The following ENPP2 variants were observed in gnomAD, a reference collection of about 807,000 sequenced individuals.
The protein encoded by ENPP2 is ectonucleotide pyrophosphatase/phosphodiesterase 2.
ENPP2 carries 51 observed loss-of-function variants against 120.2 expected under a neutral mutation model. That is an observed-to-expected ratio of 0.42 (90% CI 0.34 to 0.54). The LOEUF (loss-of-function observed/expected upper bound fraction) is 0.54, where lower values mean the gene tolerates loss of function less well. Ranked by LOEUF, ENPP2 falls within the 20% of genes least tolerant of loss-of-function variation. The pLI is 0.04. For synonymous variants in ENPP2, 365 were observed against 366.4 expected, an observed-to-expected ratio of 1.00 and a Z score of 0.04; for missense variants, 920 against 1,066.5, an observed-to-expected ratio of 0.86 and a Z score of 1.91.
chr8:119,615,763 C>A (rs1401571714), intron 8 of ENPP2, among the ~76,000 whole-genome samples: 1 of 152,082 alleles, frequency 6.6e-6, no homozygotes. Flanking sequence ...TTGGGGAAGT[C>A]ACAGTCATAC....
chr8:119,577,755 C>G (rs1587369311), intron 19 of ENPP2, among the ~76,000 whole-genome samples: 1 of 152,282 alleles, frequency 6.6e-6, no homozygotes, highest in East Asian at 1.9e-4. Context: ...CTCAGTGGTA[C>G]AGTTGTGTCA....
chr8:119,645,704 A>G (rs902740875), intron 1 of ENPP2, among the ~76,000 whole-genome samples: 45 of 151,652 alleles, frequency 3.0e-4, no homozygotes, highest in Admixed American at 2.2e-3. Flanking sequence ...CATTCCAGCT[A>G]CTTGGGAGGC....
intron 19 of ENPP2, chr8:119,572,210 C>T (rs1815057990): frequency 1.3e-6 from 2 of 1,555,540 alleles, no homozygotes; most frequent in Non-Finnish European, 8.7e-7. Context: ...TAATGTTTTC[C>T]TTGTTTTCAT....
At chr8:119,621,556 C>A in intron 3 of ENPP2, 37 bp from the exon 4 acceptor site, 1 of 1,604,662 alleles carries the variant, frequency 6.2e-7, no homozygotes, top group East Asian at 2.2e-5. Context: ...CACTGCTGCA[C>A]ACTAACCAAA....
intron 3 of ENPP2, 151 bp from the exon 4 acceptor site, chr8:119,621,670 C>T (rs1815907465): frequency 4.2e-6 from 3 of 717,612 alleles, no homozygotes; most frequent in East Asian, 5.6e-5. Flanking sequence ...GCCCAGAGGA[C>T]ATTTGGAGAA....
chr8:119,563,101 A>T (rs1275109132), intron 23 of ENPP2, 88 bp from the exon 24 acceptor site: 2 of 1,112,860 alleles, frequency 1.8e-6, no homozygotes, highest in Non-Finnish European at 2.6e-6. Flanking sequence ...ATATTGCCTA[A>T]GTCACTAAAA....
chr8:119,594,108 C>A (rs559189011), intron 11 of ENPP2, among the ~76,000 whole-genome samples: 6 of 152,206 alleles, frequency 3.9e-5, no homozygotes, highest in South Asian at 2.1e-4. Context: ...ATAAAAATGT[C>A]AAAAATATTG....
At chr8:119,583,173 C>G (rs140827351) in intron 17 of ENPP2, among the ~76,000 whole-genome samples, 1 of 152,250 alleles carries the variant, frequency 6.6e-6, no homozygotes, top group Non-Finnish European at 1.5e-5. Flanking sequence ...AGAGGCAGGA[C>G]AGGGGACAGC....
intron 1 of ENPP2, among the ~76,000 whole-genome samples, chr8:119,653,066 C>T (rs972085541): frequency 1.4e-4 from 21 of 152,114 alleles, no homozygotes; most frequent in East Asian, 1.9e-4. Flanking sequence ...ATGATTCCTG[C>T]CCACATCCAG....
intron 22 of ENPP2, among the ~76,000 whole-genome samples, chr8:119,567,058 C>G (rs1814513743): frequency 6.6e-6 from 1 of 152,208 alleles, no homozygotes; most frequent in South Asian, 2.1e-4. Context: ...TCGCCCATTC[C>G]TATTTTGAGA....
At chr8:119,649,120 A>G (rs1309641430) in intron 1 of ENPP2, among the ~76,000 whole-genome samples, 1 of 152,104 alleles carries the variant, frequency 6.6e-6, no homozygotes, top group Non-Finnish European at 1.5e-5. Flanking sequence ...ATGGCCGGGC[A>G]CGGTGGCTCA....
At chr8:119,657,998 G>A (rs1391364821) in intron 1 of ENPP2, among the ~76,000 whole-genome samples, 5 of 152,142 alleles carry the variant, frequency 3.3e-5, no homozygotes, top group Admixed American at 3.3e-4. Flanking sequence ...ATGATTTTTT[G>A]TCTTGTTGCT....
chr8:119,666,716 G>T (rs1362564272), intron 1 of ENPP2, among the ~76,000 whole-genome samples: 2 of 151,808 alleles, frequency 1.3e-5, no homozygotes, highest in African/African-American at 4.8e-5. Context: ...GGAGGCGGAG[G>T]TTGTGGTGAG....
At chr8:119,661,961 T>TA (rs527761318) in intron 1 of ENPP2, among the ~76,000 whole-genome samples, 7 of 152,120 alleles carry the variant, frequency 4.6e-5, no homozygotes, top group Admixed American at 6.5e-5. Flanking sequence ...ATGTGGAATC[T>TA]AAAAAAATCA....
chr8:119,629,523 A>G (rs886856815), intron 2 of ENPP2, among the ~76,000 whole-genome samples: 1 of 152,206 alleles, frequency 6.6e-6, no homozygotes, highest in Non-Finnish European at 1.5e-5. Flanking sequence ...TCTTAAAGTC[A>G]GAGTCATCCA....
At chr8:119,594,954 T>C (rs1813784995) in intron 11 of ENPP2, among the ~76,000 whole-genome samples, 1 of 152,232 alleles carries the variant, frequency 6.6e-6, no homozygotes, top group African/African-American at 2.4e-5. Flanking sequence ...TTTTTCTTCA[T>C]GACGGGAGTC....
chr8:119,640,874 G>A (rs1434760824), upstream of ENPP2, among the ~76,000 whole-genome samples: 1 of 152,094 alleles, frequency 6.6e-6, no homozygotes, highest in Non-Finnish European at 1.5e-5. Flanking sequence ...AGCCTCCCGA[G>A]TAGCTGGGAT....
intron 1 of ENPP2, among the ~76,000 whole-genome samples, chr8:119,666,749 C>T (rs1818083888): frequency 2.0e-5 from 3 of 149,988 alleles, no homozygotes; most frequent in Admixed American, 6.6e-5. Flanking sequence ...CATTACATTC[C>T]AGCCTGGGCA....
At chr8:119,624,155 G>A (rs1226280567) in intron 3 of ENPP2, among the ~76,000 whole-genome samples, 2 of 151,940 alleles carry the variant, frequency 1.3e-5, no homozygotes, top group African/African-American at 4.8e-5. Context: ...ACTTACAAAA[G>A]AATATCATTA....
Sources: gnomAD v4.1 joint callset for allele counts (sites outside exome capture counted in the v4.1 genomes callset) on GRCh38, gnomAD v4.1.1 for gene constraint, MANE v1.5 for transcripts, NCBI Gene and HGNC (gene_info 2026-07-23, HGNC 2026-07-21) for gene names.